CIITA: variants seen among roughly 807,000 people sequenced by gnomAD.
CIITA encodes the protein MHC class II transactivator.
A neutral mutation model predicts 115.1 loss-of-function variants in CIITA; 72 were observed. That is an observed-to-expected ratio of 0.63 (90% CI 0.52 to 0.76). The LOEUF (loss-of-function observed/expected upper bound fraction) is 0.76. CIITA is among the 30% of genes least tolerant of loss of function. CIITA has a pLI of 0.00. For missense variants in CIITA, 1,617 were observed against 1,463.8 expected, an observed-to-expected ratio of 1.10 and a Z score of -1.71; for synonymous variants, 763 against 635.6, an observed-to-expected ratio of 1.20 and a Z score of -3.02.
chr16:10,905,656 G>A (rs985747886), intron 10 of CIITA, among the ~76,000 whole-genome samples: 1 of 152,044 alleles, frequency 6.6e-6, no homozygotes, highest in African/African-American at 2.4e-5. Context: ...CAGCTACTTG[G>A]CAGGCCGAGG....
downstream of CIITA, chr16:10,940,436 C>G (rs1011613115): frequency 6.6e-6 from 1 of 152,228 alleles, no homozygotes; most frequent in Non-Finnish European, 1.5e-5. This position sits in a 1 kb window ranked among gnomAD's most constrained non-coding sequence, Gnocchi z 4.2. Flanking sequence ...GTGGACTCAG[C>G]CTGCTTGCGG....
chr16:10,915,196 C>T lies in CIITA; in HGVS notation c.2889-374C>T, dbSNP rs149228920. 2.6e-5 allele frequency: 10 copies of T among 378,544 alleles called. No individual in the cohort carries two copies. The East Asian group carries it at 7.0e-4, about 26-fold the overall frequency. The allele number at this position is 378,544 out of a possible 1,614,324, so 23.4% of individuals were successfully genotyped here. ...CTCCTAAGAAGCTGAGACCACAGGA[C>T]ACACCACCACACTTGGCTAATTATT... On this transcript the variant is annotated intron_variant, in intron 13 of 19. Coordinates refer to ENST00000324288, the MANE Select transcript of CIITA (RefSeq NM_000246.4).
chr16:10,892,658 T>A (rs1332839691), intron 1 of CIITA, among the ~76,000 whole-genome samples: 1 of 152,170 alleles, frequency 6.6e-6, no homozygotes, highest in Non-Finnish European at 1.5e-5. Flanking sequence ...AGGGGCTGGG[T>A]GCAGTGGCTC....
At chr16:10,918,185 G>A (rs890471880) in intron 15 of CIITA, among the ~76,000 whole-genome samples, 13 of 152,312 alleles carry the variant, frequency 8.5e-5, no homozygotes, top group African/African-American at 2.4e-4. Flanking sequence ...GAAAAGTGGC[G>A]CAGAGGGAAA....
At chr16:10,897,570 G>C (rs2038258984) in intron 3 of CIITA, among the ~76,000 whole-genome samples, 1 of 152,186 alleles carries the variant, frequency 6.6e-6, no homozygotes, top group South Asian at 2.1e-4. Flanking sequence ...TTTTCTCTCT[G>C]CTTCTGGAAG....
chr16:10,919,032 G>C (rs1272789758), intron 16 of CIITA, among the ~76,000 whole-genome samples: 2 of 152,114 alleles, frequency 1.3e-5, no homozygotes, highest in Non-Finnish European at 2.9e-5. Flanking sequence ...GCTTGGACCA[G>C]AGCCCCAGTC....
chr16:10,894,212 T>C (rs1240693721), intron 1 of CIITA, among the ~76,000 whole-genome samples: 1 of 152,198 alleles, frequency 6.6e-6, no homozygotes, highest in Admixed American at 6.5e-5. Context: ...AATAGAATCA[T>C]ACAATATGTG....
intron 1 of CIITA, among the ~76,000 whole-genome samples, chr16:10,870,169 CAAAAAAAAAAA>C (rs34256366): frequency 3.9e-4 from 18 of 46,286 alleles, no homozygotes; most frequent in East Asian, 3.3e-3. Context: ...GTACTTCCTG[CAAAAAAAAAAA>C]AAAAAAAAAA....
Position 10,930,287 on chromosome 16 carries a change from T to TG in CIITA, c.*6433dup, listed in dbSNP as rs1454531094. The TG allele has an allele frequency of 6.6e-6, 1 of 152,276 alleles. No individual in the cohort carries two copies. Among genetic ancestry groups the TG allele is most frequent in the African/African-American group, 2.4e-5 (1 of 41,464 alleles). 9.4% of individuals were successfully genotyped at this position (152,276 alleles called of 1,614,324 possible). ...TCGCAGAACTTGTATGTTAAACATGTGACATGTATTGTTGTTTGACAGGGT... is the reference window on the plus strand; with the variant it reads ...TCGCAGAACTTGTATGTTAAACATGTGGACATGTATTGTTGTTTGACAGGGT... On this transcript the variant is annotated 3_prime_UTR_variant, in exon 20 of 20. Transcript: ENST00000324288.
chr16:10,877,878 G>C (rs2035990498), intron 1 of CIITA, among the ~76,000 whole-genome samples: 2 of 152,182 alleles, frequency 1.3e-5, no homozygotes, highest in Admixed American at 1.3e-4. Flanking sequence ...GTTTCCTAAT[G>C]GTGTTGTTTA....
rs774460019 is a variant in CIITA, at chr16:10,923,077, C to T, written c.3318-151C>T. 14 of 721,222 alleles carry T rather than the reference C, an allele frequency of 1.9e-5. No homozygotes were observed. Among genetic ancestry groups the T allele is most frequent in the Middle Eastern group, 3.2e-4 (1 of 3,158 alleles). 44.7% of individuals were successfully genotyped at this position (721,222 alleles called of 1,614,324 possible). A position where few individuals can be genotyped will look rare whatever the true frequency, so the allele number is the denominator to read the frequency against. ...CGGGCCTCCTAGGCTTCTCCTTTTCCCCATGACCCACACCGGTCGGTATCT... is the reference window on the plus strand; with the variant it reads ...CGGGCCTCCTAGGCTTCTCCTTTTCTCCATGACCCACACCGGTCGGTATCT... On this transcript the variant is annotated intron_variant, in intron 18 of 19. Coordinates refer to ENST00000324288, the MANE Select transcript of CIITA (RefSeq NM_000246.4). This position sits in a 1 kb window ranked among gnomAD's most constrained non-coding sequence, Gnocchi z 5.2.
In CIITA at chr16:10,924,942, G is replaced by C. The variant is rs2040470436; in HGVS notation, c.*1087G>C. On this transcript the variant is annotated 3_prime_UTR_variant, in exon 20 of 20. Coordinates refer to ENST00000324288, the MANE Select transcript of CIITA (RefSeq NM_000246.4). ...GCTCTGGTTATCTAATATGTAACAA[G>C]CCACCCCAAATCATAGTGGCTTAAA... 6.6e-6 allele frequency: 1 copy of C among 152,248 alleles called. No homozygotes were observed. The highest frequency in any genetic ancestry group is 1.5e-5 in the Non-Finnish European group (1 of 68,046). The allele number at this position is 152,248 out of a possible 1,614,324, so 9.4% of individuals were successfully genotyped here. A position where few individuals can be genotyped will look rare whatever the true frequency, so the allele number is the denominator to read the frequency against.
chr16:10,908,454 C>T (rs1365552471), intron 11 of CIITA: 1 of 512,146 alleles, frequency 2.0e-6, no homozygotes, highest in African/African-American at 1.9e-5. Context: ...ATTCTTTCCA[C>T]CCCCTGAGCA....
At chr16:10,915,764 T>C in intron 14 of CIITA, 114 bp downstream of exon 14, 1 of 953,386 alleles carries the variant, frequency 1.0e-6, no homozygotes, top group Non-Finnish European at 1.7e-6. Context: ...CTCAGCCTCC[T>C]GAGTAGCTGG....
Position 10,895,325 on chromosome 16 carries a change from T to G in CIITA, c.96T>G (p.Gly32=). ...CATMELGPLE[G]GYLELLNSDA... is the part of the protein sequence containing the mutation. ...CCATGGAGTTGGGGCCCCTAGAAGG[T>G]GGCTACCTGGAGCTTCTTAACAGCG... Residue 32 remains glycine, a synonymous_variant, in exon 2 of 20, where the codon GGT becomes GGG. Coordinates refer to ENST00000324288, the MANE Select transcript of CIITA (RefSeq NM_000246.4). The G allele has an allele frequency of 6.2e-7, 1 of 1,614,108 alleles. No homozygotes were observed. Among genetic ancestry groups the G allele is most frequent in the Non-Finnish European group, 8.5e-7 (1 of 1,180,014 alleles).
At chr16:10,897,788 T>C (rs1475832800) in intron 3 of CIITA, among the ~76,000 whole-genome samples, 4 of 148,976 alleles carry the variant, frequency 2.7e-5, no homozygotes, top group Admixed American at 2.0e-4. Flanking sequence ...ACAACCACCG[T>C]TATCATTATT....
upstream of CIITA, among the ~76,000 whole-genome samples, chr16:10,876,787 G>A (rs1399791024): frequency 2.0e-5 from 3 of 152,222 alleles, no homozygotes; most frequent in Non-Finnish European, 4.4e-5. Flanking sequence ...AGTAGGCATG[G>A]TAGAGGAGAG....
chr16:10,891,817 C>T (rs988172273), intron 1 of CIITA, among the ~76,000 whole-genome samples: 2 of 152,194 alleles, frequency 1.3e-5, no homozygotes, highest in African/African-American at 2.4e-5. Context: ...GGCGGTGGCC[C>T]CATCTTTCAG....
intron 12 of CIITA, 29 bp from the exon 13 acceptor site, chr16:10,910,159 C>T: frequency 6.2e-7 from 1 of 1,601,880 alleles, no homozygotes; most frequent in Admixed American, 1.7e-5. Context: ...GCAGTGCCTG[C>T]TCCCCCTAAC....
Sources: allele counts gnomAD v4.1 joint callset (sites outside exome capture counted in the v4.1 genomes callset), GRCh38; gene constraint gnomAD v4.1.1; non-coding constraint Gnocchi (gnomAD v3.1); transcripts MANE v1.5; gene names NCBI Gene and HGNC (gene_info 2026-07-23, HGNC 2026-07-21).